The following GABRB2 variants were observed in gnomAD, a reference collection of about 807,000 sequenced individuals.
GABRB2 encodes gamma-aminobutyric acid type A receptor subunit beta2.
In GABRB2, 16 loss-of-function variants were observed where a neutral mutation model predicts 54.7. The ratio of observed to expected loss-of-function variants is 0.29; its 90% CI spans 0.20 to 0.44. GABRB2 has a LOEUF of 0.44. Ranked by LOEUF, GABRB2 falls within the 20% of genes least tolerant of loss-of-function variation. GABRB2 has a pLI of 1.00. For missense variants in GABRB2, 355 were observed against 644.0 expected, an observed-to-expected ratio of 0.55 and a Z score of 4.86; for synonymous variants, 244 against 233.8, an observed-to-expected ratio of 1.04 and a Z score of -0.40.
chr5:161,315,837 T>C (rs1173606759), intron 9 of GABRB2, among the ~76,000 whole-genome samples: 1 of 152,166 alleles, frequency 6.6e-6, no homozygotes, highest in Non-Finnish European at 1.5e-5. Context: ...TAAATCTTTA[T>C]AGATGCATCA....
rs1271932599 is a variant in GABRB2 at position 161,491,994 on chromosome 5, C to G, written c.238-32150G>C. ...CTATGGAGGGTGACTCCCTGTAACT[C>G]AGATGCAAAAACAGATTAATAACTA... is the stretch of plus-strand genomic sequence containing the variant. On this transcript the variant is annotated intron_variant, in intron 3 of 9. Coordinates refer to ENST00000393959, the MANE Select transcript of GABRB2 (RefSeq NM_001371727.1). 2.0e-5 allele frequency among the ~76,000 whole-genome samples: 3 copies of G among 151,400 alleles called. No individual in the cohort carries two copies. In the Admixed American group the frequency reaches 2.0e-4, roughly 10 times the overall value.
intron 3 of GABRB2, among the ~76,000 whole-genome samples, chr5:161,469,640 G>A (rs1758381022): frequency 6.6e-6 from 1 of 151,382 alleles, no homozygotes; most frequent in Non-Finnish European, 1.5e-5. Flanking sequence ...TCTGCTTCAT[G>A]TCTAATACTC....
chr5:161,546,710 G>A lies in GABRB2; in HGVS notation c.-67C>T. On this transcript the variant is annotated 5_prime_UTR_variant, in exon 1 of 10. Transcript: ENST00000393959. Reference sequence around the variant, plus strand: ...GGAGATCCAACTTAGTCTGCCCAGTGCAGTAATTCTAATGTGAGGCGCATG... The same window carrying A: ...GGAGATCCAACTTAGTCTGCCCAGTACAGTAATTCTAATGTGAGGCGCATG... 6.4e-7 allele frequency: 1 copy of A among 1,550,716 alleles called. No individual in the cohort carries two copies. The highest frequency in any genetic ancestry group is 1.2e-5 in the South Asian group (1 of 84,078).
intron 3 of GABRB2, among the ~76,000 whole-genome samples, chr5:161,465,457 C>T (rs767164944): frequency 2.3e-4 from 35 of 152,096 alleles, no homozygotes; most frequent in Non-Finnish European, 4.7e-4. Flanking sequence ...AAATCCTCTG[C>T]TGACCTTATA....
chr5:161,445,963 G>A lies in GABRB2; in HGVS notation c.458+13661C>T, dbSNP rs73800513. 5.1e-3 allele frequency among the ~76,000 whole-genome samples: 777 copies of A among 152,164 alleles called. 9 individuals are homozygous for A. Among genetic ancestry groups the A allele is most frequent in the African/African-American group, 0.017 (706 of 41,512 alleles). On this transcript the variant is annotated intron_variant, in intron 4 of 9. Transcript: ENST00000393959. ...TAAATCTCTTCAAATATTTCACAGA[G>A]TTTGACAAAATCATCAATACCAACC...
chr5:161,398,126 T>C (rs1756062652), intron 5 of GABRB2, among the ~76,000 whole-genome samples: 1 of 152,186 alleles, frequency 6.6e-6, no homozygotes, highest in South Asian at 2.1e-4. Context: ...TTTGTTTAAG[T>C]AGCCAGAAAT....
At chr5:161,474,825 G>A (rs905960282) in intron 3 of GABRB2, among the ~76,000 whole-genome samples, 1 of 151,698 alleles carries the variant, frequency 6.6e-6, no homozygotes, top group African/African-American at 2.4e-5. Flanking sequence ...ATAACTTTAC[G>A]GTATAGTCAA....
rs1757233848 is a variant in GABRB2, at chr5:161,291,384, T to C, written c.*2697A>G. ...AAGCTGACTGGTCTTCCTAGACTTA[T>C]CAGGTCTAGCACCCCTCCTCGCATT... On this transcript the variant is annotated 3_prime_UTR_variant, in exon 10 of 10. Transcript: ENST00000393959. 6.6e-6 allele frequency: 1 copy of C among 152,184 alleles called. No homozygotes were observed. The highest frequency in any genetic ancestry group is 2.4e-5 in the African/African-American group (1 of 41,460). 9.4% of individuals were successfully genotyped at this position (152,184 alleles called of 1,614,324 possible). A position where few individuals can be genotyped will look rare whatever the true frequency, so the allele number is the denominator to read the frequency against.
At chr5:161,460,278 G>A (rs1234981008) in intron 3 of GABRB2, among the ~76,000 whole-genome samples, 2 of 151,936 alleles carry the variant, frequency 1.3e-5, no homozygotes, top group African/African-American at 2.4e-5. Flanking sequence ...ATGTGTGTGT[G>A]TGTGTGTGTG....
intron 3 of GABRB2, among the ~76,000 whole-genome samples, chr5:161,530,201 A>G (rs150452711): frequency 6.6e-6 from 1 of 152,128 alleles, no homozygotes; most frequent in African/African-American, 2.4e-5. Context: ...TTAAGGGAGA[A>G]CATGAACAAT....
At chr5:161,444,024 T>C (rs951836909) in intron 4 of GABRB2, among the ~76,000 whole-genome samples, 2 of 152,182 alleles carry the variant, frequency 1.3e-5, no homozygotes, top group African/African-American at 4.8e-5. Context: ...TCATGTTATG[T>C]CTAACTTCCC....
chr5:161,316,930 A>G (rs1250544040), intron 9 of GABRB2, among the ~76,000 whole-genome samples: 2 of 152,192 alleles, frequency 1.3e-5, no homozygotes, highest in East Asian at 3.8e-4. Flanking sequence ...GATAATCATT[A>G]GAAATCACTA....
chr5:161,321,396 C>T (rs577470379), intron 9 of GABRB2, among the ~76,000 whole-genome samples: 2 of 152,078 alleles, frequency 1.3e-5, no homozygotes, highest in South Asian at 4.1e-4. Context: ...ATTTCAATTC[C>T]GTTTTATTTG....
At chr5:161,528,152 T>G (rs192952701) in intron 3 of GABRB2, among the ~76,000 whole-genome samples, 1 of 151,740 alleles carries the variant, frequency 6.6e-6, no homozygotes, top group East Asian at 1.9e-4. Flanking sequence ...CATCAAGAGA[T>G]GTTCACAAAA....
intron 9 of GABRB2, among the ~76,000 whole-genome samples, chr5:161,322,336 A>G (rs1758236234): frequency 6.6e-6 from 1 of 152,126 alleles, no homozygotes; most frequent in South Asian, 2.1e-4. Context: ...TCGAGGCTCA[A>G]ACAATTCTCC....
At chr5:161,361,289 T>C (rs1422965924) in intron 5 of GABRB2, among the ~76,000 whole-genome samples, 1 of 152,122 alleles carries the variant, frequency 6.6e-6, no homozygotes, top group Non-Finnish European at 1.5e-5. Flanking sequence ...TTATTATATT[T>C]TTATTTTTTA....
intron 3 of GABRB2, among the ~76,000 whole-genome samples, chr5:161,481,690 G>A (rs961427362): frequency 6.6e-6 from 1 of 151,880 alleles, no homozygotes; most frequent in African/African-American, 2.4e-5. Flanking sequence ...ATCCATTCAA[G>A]AAAATTTAAT....
At chr5:161,515,290 T>A (rs1327501983) in intron 3 of GABRB2, among the ~76,000 whole-genome samples, 1 of 152,120 alleles carries the variant, frequency 6.6e-6, no homozygotes, top group Admixed American at 6.6e-5. Context: ...TTAAAAAAAA[T>A]TCAAAAGTAA....
At chr5:161,357,004 A>G (rs1266818421) in intron 5 of GABRB2, among the ~76,000 whole-genome samples, 1 of 152,248 alleles carries the variant, frequency 6.6e-6, no homozygotes, top group Non-Finnish European at 1.5e-5. Flanking sequence ...GATTAAAAAT[A>G]TCTGCCCTCA....
Sources: gnomAD v4.1 joint callset for allele counts (sites outside exome capture counted in the v4.1 genomes callset) on GRCh38, gnomAD v4.1.1 for gene constraint, MANE v1.5 for transcripts, NCBI Gene and HGNC (gene_info 2026-07-23, HGNC 2026-07-21) for gene names.